Variants in ARHGAP32 observed in about 807,000 individuals in gnomAD.
ARHGAP32 encodes Rho GTPase activating protein 32.
In ARHGAP32, 51 loss-of-function variants were observed where a neutral mutation model predicts 186.5. That is an observed-to-expected ratio of 0.27 (90% confidence interval 0.22 to 0.35). The LOEUF (loss-of-function observed/expected upper bound fraction) is 0.35, where lower values mean the gene tolerates loss of function less well. ARHGAP32 is among the 10% of genes least tolerant of loss of function. The probability of loss-of-function intolerance (pLI) is 1.00; values close to 1 mark genes in which losing one functional copy is unlikely to be tolerated. For missense variants in ARHGAP32, 2,186 were observed against 2,623.5 expected (o/e 0.83, Z 3.64); for synonymous variants, 950 against 964.3 (o/e 0.99, Z 0.27).
rs1341277269 is a variant in ARHGAP32 at position 128,969,817 on chromosome 11, C to T, written c.5396G>A (p.Gly1799Asp). The change falls in exon 23 of 23, where the codon GGT (glycine) becomes GAT (aspartate). Residue 1799 changes from glycine to aspartate, a missense_variant. Gly to Asp is a moderately conservative substitution (Grantham distance 94). Coordinates refer to ENST00000682385, the MANE Select transcript of ARHGAP32 (RefSeq NM_001378024.1). The surrounding 1 kb of genome is among the most constrained non-coding windows in gnomAD (Gnocchi z 4.8). ...NMTPAVQDDL[G>D]GIYVIHLRSK... is the part of the protein sequence containing the mutation. Reference sequence around the variant, plus strand: ...ACGCAGATGGATGACATAGATCCCACCCAAGTCGTCCTGCACCGCCGGGGT... The same window carrying T: ...ACGCAGATGGATGACATAGATCCCATCCAAGTCGTCCTGCACCGCCGGGGT... 3 of 1,614,060 alleles carry T rather than the reference C, an allele frequency of 1.9e-6. No homozygotes were observed. In the African/African-American group the frequency reaches 4.0e-5, roughly 22 times the overall value.
intron 11 of ARHGAP32, among the ~76,000 whole-genome samples, chr11:129,008,050 G>A (rs1937877693): frequency 6.6e-6 from 1 of 152,122 alleles, no homozygotes; most frequent in African/African-American, 2.4e-5. Flanking sequence ...TCCCTCAAGA[G>A]AGAGCACAGA....
At chr11:129,094,512 A>G (rs1295671538) in intron 5 of ARHGAP32, among the ~76,000 whole-genome samples, 2 of 152,198 alleles carry the variant, frequency 1.3e-5, no homozygotes, top group Admixed American at 1.3e-4. Context: ...CTACTGAAAA[A>G]TCAGAAAATT....
At chr11:129,063,779 G>T in intron 9 of ARHGAP32, 123 bp downstream of exon 9, 1 of 1,126,310 alleles carries the variant, frequency 8.9e-7, no homozygotes, top group Non-Finnish European at 1.2e-6. Flanking sequence ...AAATATAAAA[G>T]ACTATGGAAA....
At chr11:129,025,894 CAT>C (rs1265127076) in intron 11 of ARHGAP32, among the ~76,000 whole-genome samples, 11 of 148,530 alleles carry the variant, frequency 7.4e-5, no homozygotes, top group African/African-American at 2.5e-4. Flanking sequence ...TATTACTTGA[CAT>C]ATATATTTAA....
rs898360725 is a variant in ARHGAP32, at chr11:128,970,028, C to G, written c.5185G>C (p.Val1729Leu). ...TCGTTGGGAGAGAAATAGCCAGTCA[C>G]GTTGGCCCGGGGACGTGGAGCCAAA... ...AGLAPRPRAN[V>L]TGYFSPNDHN... The change falls in exon 23 of 23, where the codon GTG becomes CTG. Residue 1729 changes from valine to leucine, a missense_variant. Around this residue, in one of 5 missense-constraint regions of ARHGAP32, gnomAD observed 1,502 missense variants for 1,570.0 expected, o/e 0.96. Coordinates refer to ENST00000682385, the MANE Select transcript of ARHGAP32 (RefSeq NM_001378024.1). This position sits in a 1 kb window ranked among gnomAD's most constrained non-coding sequence, Gnocchi z 5.8. 6.2e-7 allele frequency: 1 copy of G among 1,614,174 alleles called. No individual in the cohort carries two copies. The highest frequency in any genetic ancestry group is 8.5e-7 in the Non-Finnish European group (1 of 1,180,036).
At chr11:129,194,971 T>C (rs764040245), upstream of ARHGAP32, among the ~76,000 whole-genome samples, 5 of 150,918 alleles carry the variant, frequency 3.3e-5, no homozygotes, top group Non-Finnish European at 5.9e-5. Context: ...TGTTTTGTTT[T>C]GTTTTGTTTG....
chr11:129,234,482 CAT>C (rs201600460), intron 1 of ARHGAP32, among the ~76,000 whole-genome samples: 1,973 of 152,140 alleles, frequency 0.013, 23 homozygotes, highest in Middle Eastern at 0.027. Context: ...GTGACGAGCA[CAT>C]GAGTGCTAAG....
Position 129,123,519 on chromosome 11 carries a change from G to C in ARHGAP32, c.371C>G (p.Thr124Ser), listed in dbSNP as rs1233567299. ...GCDNIHRLPF[T>S]KGHFPKMAEC... ...AGCCATCTTCGGAAAGTGACCTTTA[G>C]TGAAGGGTAACCTGAAACACATGAA... Residue 124 changes from threonine (T) to serine (S), a missense_variant, in exon 5 of 23, where the codon ACT (threonine) becomes AGT (serine). Transcript: ENST00000682385. This position sits in a 1 kb window ranked among gnomAD's most constrained non-coding sequence, Gnocchi z 4.6. The C allele has an allele frequency of 6.2e-7, 1 of 1,612,374 alleles. No individual in the cohort carries two copies. The highest frequency in any genetic ancestry group is 1.1e-5 in the South Asian group (1 of 90,972).
At chr11:129,036,713 A>C (rs1005121746) in intron 11 of ARHGAP32, among the ~76,000 whole-genome samples, 1 of 152,242 alleles carries the variant, frequency 6.6e-6, no homozygotes, top group African/African-American at 2.4e-5. Flanking sequence ...CAAGAAACAG[A>C]AGGGAACTTT....
At chr11:128,999,361 T>C (rs558073900) in intron 11 of ARHGAP32, among the ~76,000 whole-genome samples, 32 of 152,338 alleles carry the variant, frequency 2.1e-4, no homozygotes, top group African/African-American at 7.2e-4. Flanking sequence ...TCTTGAACCC[T>C]GTTTCCTGTT....
intron 10 of ARHGAP32, among the ~76,000 whole-genome samples, chr11:129,057,899 G>A (rs1016665902): frequency 2.6e-5 from 4 of 151,968 alleles, no homozygotes; most frequent in Admixed American, 6.6e-5. Flanking sequence ...GAGAGGAAAG[G>A]CCATGTAAGG....
intron 11 of ARHGAP32, among the ~76,000 whole-genome samples, chr11:129,030,139 C>T (rs1342635554): frequency 6.6e-6 from 1 of 152,146 alleles, no homozygotes; most frequent in Non-Finnish European, 1.5e-5. Context: ...TCTTAACACA[C>T]TTAAGCATTT....
intron 11 of ARHGAP32, among the ~76,000 whole-genome samples, chr11:129,019,386 ATC>A (rs1241120884): frequency 6.6e-6 from 1 of 152,186 alleles, no homozygotes; most frequent in Non-Finnish European, 1.5e-5. Flanking sequence ...AACTAATTTA[ATC>A]TGTTTGTATT....
At chr11:129,078,411 A>G (rs975084383) in intron 6 of ARHGAP32, among the ~76,000 whole-genome samples, 9 of 152,186 alleles carry the variant, frequency 5.9e-5, no homozygotes, top group Non-Finnish European at 1.3e-4. Flanking sequence ...AACACCCCCA[A>G]AAGATCACGT....
At chr11:128,981,728 G>T in intron 16 of ARHGAP32, 101 bp downstream of exon 16, 11 of 1,164,286 alleles carry the variant, frequency 9.4e-6, no homozygotes, top group African/African-American at 1.6e-5. Flanking sequence ...AAAAAGAACA[G>T]ATTTGTTTAA....
intron 5 of ARHGAP32, among the ~76,000 whole-genome samples, chr11:129,115,046 C>CT (rs1436359411): frequency 6.6e-6 from 1 of 152,030 alleles, no homozygotes; most frequent in Non-Finnish European, 1.5e-5. Context: ...TTTTATTCAT[C>CT]TTTTGTAGTT....
chr11:129,042,455 T>G (rs1305602159), intron 10 of ARHGAP32, among the ~76,000 whole-genome samples: 1 of 152,234 alleles, frequency 6.6e-6, no homozygotes, highest in Admixed American at 6.5e-5. Flanking sequence ...AATTCTTTAA[T>G]ATATTCTACT....
At chr11:129,259,426 G>T (rs1945293855) in intron 1 of ARHGAP32, among the ~76,000 whole-genome samples, 1 of 151,278 alleles carries the variant, frequency 6.6e-6, no homozygotes, top group South Asian at 2.1e-4. Flanking sequence ...CACTTTGGAA[G>T]AAAAAAAAGA....
chr11:129,153,083 TACA>T (rs1943324753), intron 2 of ARHGAP32, among the ~76,000 whole-genome samples: 1 of 151,538 alleles, frequency 6.6e-6, no homozygotes, highest in Non-Finnish European at 1.5e-5. Flanking sequence ...AGCACTGCTG[TACA>T]ACAACAGCAA....
Sources: allele counts gnomAD v4.1 joint callset (sites outside exome capture counted in the v4.1 genomes callset), GRCh38; gene constraint gnomAD v4.1.1; regional missense constraint gnomAD v4.1.1; non-coding constraint Gnocchi (gnomAD v3.1); transcripts MANE v1.5; gene names NCBI Gene and HGNC (gene_info 2026-07-23, HGNC 2026-07-21).